The following VPS26C variants were observed in gnomAD, a reference collection of about 807,000 sequenced individuals.
VPS26C encodes the protein VPS26 endosomal protein sorting factor C, also known as vacuolar protein sorting-associated protein 26C.
Under a neutral mutation model 30.6 loss-of-function variants are expected in VPS26C, and 19 were observed. The ratio of observed to expected loss-of-function variants is 0.62; its 90% CI spans 0.43 to 0.91. The LOEUF (loss-of-function observed/expected upper bound fraction) is 0.91. Among genes scored for constraint, VPS26C ranks in the 40% least tolerant of loss-of-function variants. VPS26C has a pLI of 0.00. For missense variants in VPS26C, 318 were observed against 385.1 expected (o/e 0.83, Z 1.46); for synonymous variants, 132 against 151.5 (o/e 0.87, Z 0.95).
intron 1 of VPS26C, chr21:37,261,261 G>T (rs1415582265): frequency 6.6e-6 from 1 of 152,170 alleles, no homozygotes; most frequent in East Asian, 1.9e-4. Flanking sequence ...TCGCTGTGTA[G>T]AAGTTTTTTA....
chr21:37,259,670 T>C (rs1289871804), intron 1 of VPS26C, among the ~76,000 whole-genome samples: 2 of 151,946 alleles, frequency 1.3e-5, no homozygotes, highest in East Asian at 3.9e-4. Context: ...AGCAAAGGAG[T>C]TGCAGCAACA....
chr21:37,263,076 T>C (rs911647633), intron 1 of VPS26C, among the ~76,000 whole-genome samples: 3 of 152,142 alleles, frequency 2.0e-5, no homozygotes, highest in African/African-American at 7.2e-5. Context: ...GGATATTACA[T>C]TTTAACGTTT....
intron 5 of VPS26C, chr21:37,228,661 T>A (rs1454870070): frequency 7.3e-6 from 2 of 273,952 alleles, no homozygotes; most frequent in African/African-American, 2.2e-5. Context: ...AGCTCCTTCT[T>A]ACCAAGGAAT....
At chr21:37,254,935 A>G (rs1052481671) in intron 1 of VPS26C, among the ~76,000 whole-genome samples, 1 of 152,186 alleles carries the variant, frequency 6.6e-6, no homozygotes, top group Non-Finnish European at 1.5e-5. Flanking sequence ...GGCTCTGGGG[A>G]CAGATCACCT....
At position 37,248,206 on chromosome 21, in the gene VPS26C, G is replaced by A. The variant is rs140204569; in HGVS notation, c.58-7567C>T. Among the ~76,000 whole-genome samples the A allele has an allele frequency of 5.6e-3, 855 of 151,960 alleles. 3 individuals are homozygous for A. Among genetic ancestry groups the A allele is most frequent in the Non-Finnish European group, 8.9e-3 (605 of 67,986 alleles). ...AAGACCTACGTCACATATCAACAGG[G>A]TATAATGAACTGGCATACATAGATC... On this transcript the variant is annotated intron_variant, in intron 1 of 7. Transcript: ENST00000309117.
At chr21:37,256,576 T>TA (rs1313213365) in intron 1 of VPS26C, among the ~76,000 whole-genome samples, 1 of 152,194 alleles carries the variant, frequency 6.6e-6, no homozygotes, top group Non-Finnish European at 1.5e-5. Flanking sequence ...AGATGAAAGG[T>TA]AAAATCTATT....
At chr21:37,258,300 C>T (rs897124560) in intron 1 of VPS26C, among the ~76,000 whole-genome samples, 2 of 152,206 alleles carry the variant, frequency 1.3e-5, no homozygotes, top group Non-Finnish European at 1.5e-5. Flanking sequence ...TTCACAGAGA[C>T]TGCGCACACA....
chr21:37,227,562 G>A, intron 7 of VPS26C, 92 bp downstream of exon 7: 9 of 1,446,856 alleles, frequency 6.2e-6, no homozygotes, highest in Admixed American at 3.6e-5. Flanking sequence ...CCGAAGGGCG[G>A]CAGGTTCTGA....
At chr21:37,263,551 T>A (rs1049188139) in intron 1 of VPS26C, among the ~76,000 whole-genome samples, 1 of 152,176 alleles carries the variant, frequency 6.6e-6, no homozygotes, top group African/African-American at 2.4e-5. Context: ...TAAGCCACCA[T>A]TTCCTCATTA....
At chr21:37,241,544 G>A (rs915302749) in intron 1 of VPS26C, among the ~76,000 whole-genome samples, 4 of 152,190 alleles carry the variant, frequency 2.6e-5, no homozygotes, top group African/African-American at 4.8e-5. Context: ...CAGGCTGGGC[G>A]TGGTGGCTCA....
rs750443085 is a variant in VPS26C, at chr21:37,227,785, C to T, written c.680G>A (p.Arg227His). ...ETCGCAEGYA[R>H]DATEIQNIQI... is the part of the protein sequence containing the mutation. ...AATGTTCTGAATCTCCGTGGCGTCG[C>T]GGGCATAGCCTTCTGCACACCCTGC... The change falls in exon 7 of 8, where the codon CGC becomes CAC. Residue 227 changes from arginine (R) to histidine (H), a missense_variant. Physicochemically the swap from Arg to His is conservative, Grantham distance 29 (BLOSUM62 0). Coordinates refer to ENST00000309117, the MANE Select transcript of VPS26C (RefSeq NM_006052.2). 20 of 1,613,940 alleles carry T rather than the reference C, an allele frequency of 1.2e-5. No individual in the cohort carries two copies. Among genetic ancestry groups the T allele is most frequent in the Middle Eastern group, 1.7e-4 (1 of 6,058 alleles).
chr21:37,243,738 C>G (rs559082914), intron 1 of VPS26C, among the ~76,000 whole-genome samples: 182 of 152,242 alleles, frequency 1.2e-3, no homozygotes, highest in Non-Finnish European at 1.9e-3. Flanking sequence ...GACTACAGCC[C>G]GCACCCTAGA....
chr21:37,240,636 C>T lies in VPS26C; in HGVS notation c.61G>A (p.Val21Met), dbSNP rs761845865. The T allele has an allele frequency of 1.2e-6, 2 of 1,612,404 alleles. No individual in the cohort carries two copies. Among genetic ancestry groups the T allele is most frequent in the Admixed American group, 3.4e-5 (2 of 59,568 alleles). ...RANKVYHAGEVLSGVVVISSK... is the reference protein window; with the variant it reads ...RANKVYHAGEMLSGVVVISSK... ...GATATGACCACCACGCCAGAGAGCA[C>T]TTCCTGGGAGAGAAAAGACAGCCAC... The change falls in exon 2 of 8, where the codon GTG becomes ATG. Residue 21 changes from valine to methionine, a missense_variant. Transcript: ENST00000309117.
chr21:37,263,156 A>T (rs2086322848), intron 1 of VPS26C, among the ~76,000 whole-genome samples: 1 of 152,170 alleles, frequency 6.6e-6, no homozygotes. Flanking sequence ...TTCTTAAAAA[A>T]AAGGTCAATT....
chr21:37,267,323 C>T lies in VPS26C; in HGVS notation c.-29G>A, dbSNP rs2086378473. 2.5e-6 allele frequency: 4 copies of T among 1,598,200 alleles called. No individual in the cohort carries two copies. The highest frequency in any genetic ancestry group is 1.3e-5 in the African/African-American group (1 of 74,384). On this transcript the variant is annotated 5_prime_UTR_variant, in exon 1 of 8. Coordinates refer to ENST00000309117, the MANE Select transcript of VPS26C (RefSeq NM_006052.2). ...CAATTCTCCGCAGCAGCCGCCACTT[C>T]CGGCTGCGCGTGACCCCAGGGAAAC... is the stretch of plus-strand genomic sequence containing the variant.
At chr21:37,238,373 C>T in intron 3 of VPS26C, 87 bp downstream of exon 3, 1 of 1,465,764 alleles carries the variant, frequency 6.8e-7, no homozygotes, top group Non-Finnish European at 9.3e-7. Flanking sequence ...AATTCTTGGG[C>T]CCGTCTACTA....
chr21:37,258,306 A>G (rs1481781830), intron 1 of VPS26C, among the ~76,000 whole-genome samples: 1 of 152,186 alleles, frequency 6.6e-6, no homozygotes, highest in African/African-American at 2.4e-5. Context: ...GAGACTGCGC[A>G]CACAAAGCGT....
chr21:37,252,784 C>T (rs530003318), intron 1 of VPS26C, among the ~76,000 whole-genome samples: 5 of 152,214 alleles, frequency 3.3e-5, no homozygotes, highest in African/African-American at 7.2e-5. Context: ...TGGATGAATC[C>T]GAACGAAATG....
Position 37,225,182 on chromosome 21 carries a change from C to T in VPS26C, c.*362G>A, listed in dbSNP as rs79135244. On this transcript the variant is annotated 3_prime_UTR_variant, in exon 8 of 8. Coordinates refer to ENST00000309117, the MANE Select transcript of VPS26C (RefSeq NM_006052.2). ...CATCCATTAGCAAGTCAGAGGTTTC[C>T]TTTTGTCCCCATGATGCCACTCTCC... 1,102 of 260,944 alleles carry T rather than the reference C, an allele frequency of 4.2e-3. 9 individuals carry two copies. The highest frequency in any genetic ancestry group is 0.022 in the African/African-American group (1,028 of 46,446). The allele number at this position is 260,944 out of a possible 1,614,324, so 16.2% of individuals were successfully genotyped here.
Sources: allele counts gnomAD v4.1 joint callset (sites outside exome capture counted in the v4.1 genomes callset), GRCh38; gene constraint gnomAD v4.1.1; transcripts MANE v1.5; gene names NCBI Gene and HGNC (gene_info 2026-07-23, HGNC 2026-07-21).